Variants in GPAM observed in about 807,000 individuals in gnomAD.
GPAM encodes the protein glycerol-3-phosphate acyltransferase, mitochondrial, also known as glycerol-3-phosphate acyltransferase 1, mitochondrial.
Under a neutral mutation model 105.0 loss-of-function variants are expected in GPAM, and 56 were observed. The observed-to-expected ratio is 0.53, with a 90% CI of 0.43 to 0.67. The LOEUF (loss-of-function observed/expected upper bound fraction) is 0.67. Ranked by LOEUF, GPAM falls within the 30% of genes least tolerant of loss-of-function variation. The pLI is 0.00. For synonymous variants in GPAM, 368 were observed against 354.4 expected (o/e 1.04, Z -0.43); for missense variants, 855 against 989.8 (o/e 0.86, Z 1.83).
chr10:112,169,759 G>T (rs1240875749), intron 9 of GPAM, among the ~76,000 whole-genome samples: 3 of 152,220 alleles, frequency 2.0e-5, no homozygotes, highest in African/African-American at 7.2e-5. Flanking sequence ...CACAGCAGGA[G>T]ATGAGTGGCA....
At chr10:112,156,247 C>A (rs1014053471) in intron 19 of GPAM, 194 bp from the exon 20 acceptor site, 24 of 613,828 alleles carry the variant, frequency 3.9e-5, no homozygotes, top group South Asian at 5.6e-5. Context: ...CAAACACATT[C>A]TTTATTGTAA....
chr10:112,226,667 G>A, the GPAM span, among the ~76,000 whole-genome samples: 1 of 152,200 alleles, frequency 6.6e-6, no homozygotes, highest in African/African-American at 2.4e-5. Context: ...AACAGGTGGT[G>A]AGGTTGTGAG....
rs1029132126 is a variant in GPAM at position 112,151,876 on chromosome 10, T to C, written c.*1674A>G. The C allele has an allele frequency of 6.1e-5, 60 of 983,690 alleles. No individual in the cohort carries two copies. In the African/African-American group the frequency reaches 9.6e-4, roughly 16 times the overall value. 60.9% of individuals were successfully genotyped at this position (983,690 alleles called of 1,614,324 possible). ...TAAAATGGAATGCTAAAACATGATATCTCATTCAACATCAGAGCTACTACA... is the reference window on the plus strand; with the variant it reads ...TAAAATGGAATGCTAAAACATGATACCTCATTCAACATCAGAGCTACTACA... On this transcript the variant is annotated 3_prime_UTR_variant, in exon 22 of 22. Transcript: ENST00000348367.
At position 112,157,311 on chromosome 10, in the gene GPAM, T is replaced by C. The variant is rs756885818; in HGVS notation, c.2059A>G (p.Arg687Gly). The stretch of plus-strand genomic sequence containing the variant: ...CTGTCTTCATCTTCTTCATCACTTC[T>C]CCAAGACAAAGGTTCTGGAAGCTTC... ...DKKLPEPLSW[R>G]SDEEDEDSDF... The change falls in exon 19 of 22, where the codon AGA (arginine) becomes GGA (glycine). Residue 687 changes from arginine to glycine, a missense_variant. Transcript: ENST00000348367. 1 of 1,613,574 alleles carries C rather than the reference T, an allele frequency of 6.2e-7. No homozygotes were observed. The highest frequency in any genetic ancestry group is 8.5e-7 in the Non-Finnish European group (1 of 1,179,484).
intron 1 of GPAM, among the ~76,000 whole-genome samples, chr10:112,207,059 A>C (rs1021021879): frequency 1.3e-5 from 2 of 152,174 alleles, no homozygotes; most frequent in Non-Finnish European, 2.9e-5. Flanking sequence ...TGGTTTCTCA[A>C]ACTCAGGTAG....
intron 11 of GPAM, 60 bp downstream of exon 11, chr10:112,168,252 C>G (rs1847251982): frequency 2.0e-6 from 2 of 1,001,302 alleles, no homozygotes. Flanking sequence ...AATGTAAATT[C>G]TAAAAGTTAA....
intron 15 of GPAM, 51 bp downstream of exon 15, chr10:112,161,616 C>A: frequency 2.7e-6 from 4 of 1,456,640 alleles, no homozygotes; most frequent in Non-Finnish European, 2.9e-6. Flanking sequence ...GAGCAGCTGA[C>A]AAAACATTCT....
chr10:112,217,005 T>C (rs1200783167), upstream of GPAM, among the ~76,000 whole-genome samples: 2 of 152,150 alleles, frequency 1.3e-5, no homozygotes, highest in Non-Finnish European at 2.9e-5. Flanking sequence ...CATTGAAATA[T>C]AATGCACACA....
rs373847484 is a variant in GPAM at position 112,175,689 on chromosome 10, G to T, written c.324C>A (p.Arg108=). ...CTTGAATAAAAAGAACGTAAGAAAG[G>T]CGTCTTGCAAGCCATCCGCGGTGTC... ...HTRHRGWLAR[R]LSYVLFIQER... Residue 108 remains arginine, a synonymous_variant, in exon 6 of 22, where the codon CGC becomes CGA. Coordinates refer to ENST00000348367, the MANE Select transcript of GPAM (RefSeq NM_001244949.2). The T allele has an allele frequency of 6.2e-6, 10 of 1,612,356 alleles. No homozygotes were observed. The highest frequency in any genetic ancestry group is 1.7e-5 in the Admixed American group (1 of 59,990).
At chr10:112,203,316 G>T (rs542379749) in intron 1 of GPAM, among the ~76,000 whole-genome samples, 1 of 152,314 alleles carries the variant, frequency 6.6e-6, no homozygotes, top group South Asian at 2.1e-4. Flanking sequence ...TCTGCAAATA[G>T]CACACTGGTC....
chr10:112,181,524 A>T (rs1335122202), intron 3 of GPAM, among the ~76,000 whole-genome samples, 159 bp downstream of exon 3: 1 of 152,190 alleles, frequency 6.6e-6, no homozygotes, highest in Non-Finnish European at 1.5e-5. Flanking sequence ...TCCCAATATA[A>T]TGCCATAAAA....
In GPAM at chr10:112,152,998, C is replaced by T; in HGVS notation, c.*552G>A. On this transcript the variant is annotated 3_prime_UTR_variant, in exon 22 of 22. Transcript: ENST00000348367. ...AGTGATACCTGGGTGTGATATATAT[C>T]AGTCCACTCAATTTATAAAGCACTT... The T allele has an allele frequency of 3.2e-6, 1 of 313,210 alleles. No homozygotes were observed. Among genetic ancestry groups the T allele is most frequent in the Non-Finnish European group, 4.7e-6 (1 of 211,068 alleles). 19.4% of individuals were successfully genotyped at this position (313,210 alleles called of 1,614,324 possible).
chr10:112,212,719 A>G (rs1412831640), intron 1 of GPAM, among the ~76,000 whole-genome samples: 1 of 152,166 alleles, frequency 6.6e-6, no homozygotes, highest in Non-Finnish European at 1.5e-5. Context: ...CAGCTTGGGC[A>G]TATTCCTTAT....
intron 1 of GPAM, among the ~76,000 whole-genome samples, chr10:112,211,498 A>C (rs1045082186): frequency 1.3e-5 from 2 of 152,180 alleles, no homozygotes; most frequent in South Asian, 2.1e-4. Flanking sequence ...TAAGGATTCA[A>C]ATCCTATTGG....
intron 4 of GPAM, 30 bp downstream of exon 4, chr10:112,180,443 A>G (rs1360409054): frequency 1.9e-6 from 3 of 1,609,748 alleles, no homozygotes; most frequent in African/African-American, 1.3e-5. Flanking sequence ...TATGCTGAGT[A>G]TTAGGGTCAA....
At chr10:112,169,702 G>A (rs1008551402) in intron 9 of GPAM, among the ~76,000 whole-genome samples, 11 of 151,756 alleles carry the variant, frequency 7.2e-5, no homozygotes, top group African/African-American at 9.7e-5. Flanking sequence ...CCCAAACCCC[G>A]GGGCCACGGA....
rs139829726 is a variant in GPAM, at chr10:112,191,737, A to G, written n.211-8846T>C. 7.2e-5 allele frequency among the ~76,000 whole-genome samples: 11 copies of G among 152,298 alleles called. No individual in the cohort carries two copies. The East Asian group carries it at 2.1e-3, about 29-fold the overall frequency. ...ATTCTAAATGGGCCTTTGTTTTCTCATGGACTCAAGCTGGATTGTGGGAGG... is the reference window on the plus strand; with the variant it reads ...ATTCTAAATGGGCCTTTGTTTTCTCGTGGACTCAAGCTGGATTGTGGGAGG... On this transcript the variant is annotated intron_variant and non_coding_transcript_variant, in intron 1 of 3. Transcript: ENST00000480130.
chr10:112,150,200 A>G lies in GPAM; in HGVS notation c.*3350T>C, dbSNP rs1257532787. ...TAAAATAGTTTTAAAAAACAGGTTT[A>G]CAGCCCATAGTAAGTCTTAGAAACC... On this transcript the variant is annotated 3_prime_UTR_variant, in exon 22 of 22. Coordinates refer to ENST00000348367, the MANE Select transcript of GPAM (RefSeq NM_001244949.2). 1.0e-6 allele frequency: 1 copy of G among 985,064 alleles called. No individual in the cohort carries two copies. The highest frequency in any genetic ancestry group is 1.2e-6 in the Non-Finnish European group (1 of 829,638). 61.0% of individuals were successfully genotyped at this position (985,064 alleles called of 1,614,324 possible). A position where few individuals can be genotyped will look rare whatever the true frequency, so the allele number is the denominator to read the frequency against.
the GPAM span, among the ~76,000 whole-genome samples, chr10:112,222,900 C>T: frequency 5.3e-5 from 8 of 151,934 alleles, no homozygotes; most frequent in Non-Finnish European, 8.8e-5. Flanking sequence ...TGTTTAGATT[C>T]CCCTTCAAGA....
Sources: gnomAD v4.1 joint callset for allele counts (sites outside exome capture counted in the v4.1 genomes callset) on GRCh38, gnomAD v4.1.1 for gene constraint, MANE v1.5 for transcripts, NCBI Gene and HGNC (gene_info 2026-07-23, HGNC 2026-07-21) for gene names.